RAB36: variants seen among roughly 807,000 people sequenced by gnomAD.
The protein encoded by RAB36 is ras-related protein Rab-36.
RAB36 carries 33 observed loss-of-function variants against 39.3 expected under a neutral mutation model. The ratio of observed to expected loss-of-function variants is 0.84; its 90% confidence interval spans 0.64 to 1.12. The LOEUF (loss-of-function observed/expected upper bound fraction) is 1.12. Ranked by LOEUF, RAB36 falls within the 50% of genes most tolerant of loss-of-function variation. The pLI, the probability that RAB36 is intolerant of heterozygous loss-of-function variation, is 0.00. For missense variants in RAB36, 308 were observed against 355.3 expected (o/e 0.87, Z 1.07); for synonymous variants, 133 against 140.2 (o/e 0.95, Z 0.36).
intron 4 of RAB36, 77 bp downstream of exon 4, chr22:23,152,603 A>C: frequency 7.3e-7 from 1 of 1,370,020 alleles, no homozygotes; most frequent in South Asian, 1.2e-5. Flanking sequence ...TGGCCCAGAT[A>C]ATATCAACAT....
At position 23,153,022 on chromosome 22, in the gene RAB36, AT is replaced by A; in HGVS notation, c.228-10del. 6.2e-7 allele frequency: 1 copy of A among 1,607,226 alleles called. No homozygotes were observed. The highest frequency in any genetic ancestry group is 8.5e-7 in the Non-Finnish European group (1 of 1,173,838). ...AGTACACCCCTGTGACGACTTCCTC[AT>A]CCCCCACAGGTTTTGCAAGAATGTT... is the stretch of plus-strand genomic sequence containing the variant. On this transcript the variant is annotated splice_polypyrimidine_tract_variant and intron_variant, in intron 4 of 10. Coordinates refer to ENST00000263116, the MANE Select transcript of RAB36 (RefSeq NM_004914.5).
chr22:23,146,788 G>A (rs2070803591), intron 2 of RAB36, 103 bp downstream of exon 2: 2 of 1,484,192 alleles, frequency 1.3e-6, no homozygotes, highest in Non-Finnish European at 1.8e-6. Flanking sequence ...AATCAAGGAG[G>A]TCTGTCCATT....
chr22:23,161,623 A>G lies in RAB36; in HGVS notation c.*59A>G. ...ACACACACGGACAGGAATTTCCGTGACTGTGGTGTGGAGACTGGAGCCCAA... is the reference window on the plus strand; with the variant it reads ...ACACACACGGACAGGAATTTCCGTGGCTGTGGTGTGGAGACTGGAGCCCAA... On this transcript the variant is annotated 3_prime_UTR_variant, in exon 11 of 11. Coordinates refer to ENST00000263116, the MANE Select transcript of RAB36 (RefSeq NM_004914.5). 2 of 1,439,928 alleles carry G rather than the reference A, an allele frequency of 1.4e-6. No homozygotes were observed. Among genetic ancestry groups the G allele is most frequent in the South Asian group, 1.2e-5 (1 of 82,468 alleles). The allele number at this position is 1,439,928 out of a possible 1,614,324, so 89.2% of individuals were successfully genotyped here. A position where few individuals can be genotyped will look rare whatever the true frequency, so the allele number is the denominator to read the frequency against.
At position 23,146,755 on chromosome 22, in the gene RAB36, C is replaced by T. The variant is rs529073532; in HGVS notation, c.69+70C>T. ...ACATCAGCTCTCCCCACTCTACACT[C>T]ATGCCTAGAAGTAAAGCAGGTGAAT... On this transcript the variant is annotated intron_variant, in intron 2 of 10. Coordinates refer to ENST00000263116, the MANE Select transcript of RAB36 (RefSeq NM_004914.5). 9.0e-4 allele frequency: 1,411 copies of T among 1,574,462 alleles called. 6 individuals are homozygous for T. Among genetic ancestry groups the T allele is most frequent in the South Asian group, 3.1e-3 (273 of 87,846 alleles).
At chr22:23,160,665 G>T (rs1244444791) in intron 9 of RAB36, among the ~76,000 whole-genome samples, 1 of 152,166 alleles carries the variant, frequency 6.6e-6, no homozygotes, top group Non-Finnish European at 1.5e-5. Context: ...CTGGAGCCAG[G>T]TGGGAGGCCA....
intron 5 of RAB36, among the ~76,000 whole-genome samples, chr22:23,153,985 G>A (rs953353903): frequency 2.0e-5 from 3 of 151,954 alleles, no homozygotes; most frequent in East Asian, 1.9e-4. Context: ...CACCGTACCC[G>A]GCCCACTTCT....
In RAB36 at chr22:23,157,982, G is replaced by A. The variant is rs747163433; in HGVS notation, c.395-10G>A. 8 of 1,614,048 alleles carry A rather than the reference G, an allele frequency of 5.0e-6. No homozygotes were observed. Among genetic ancestry groups the A allele is most frequent in the East Asian group, 4.5e-5 (2 of 44,900 alleles). On this transcript the variant is annotated splice_polypyrimidine_tract_variant and intron_variant, in intron 6 of 10. Transcript: ENST00000263116. ...CACTGATTGGCTGTTGGCTTTTTCC[G>A]GGTGTCTAGTGATCATCACGGCCTT... is the stretch of plus-strand genomic sequence containing the variant.
chr22:23,149,349 A>AT (rs1049785282), intron 2 of RAB36, among the ~76,000 whole-genome samples: 7 of 151,734 alleles, frequency 4.6e-5, no homozygotes, highest in East Asian at 1.9e-4. Context: ...GTTTAATCTC[A>AT]TTTTTTTCTA....
downstream of RAB36, among the ~76,000 whole-genome samples, chr22:23,166,301 G>A (rs2072050673): frequency 6.7e-6 from 1 of 149,500 alleles, no homozygotes; most frequent in Admixed American, 6.7e-5. Flanking sequence ...GAGTCAGTGT[G>A]GGAGGGGATT....
rs1236020992 is a variant in RAB36 at position 23,162,584 on chromosome 22, G to C, written c.*1020G>C. On this transcript the variant is annotated 3_prime_UTR_variant, in exon 11 of 11. Transcript: ENST00000263116. ...GCCTCCTGCACATGCAGAGCAGACA[G>C]AAATACCCCACACATTCCCCAGCCT... The C allele has an allele frequency of 2.4e-5, 11 of 453,258 alleles. No individual in the cohort carries two copies. The highest frequency in any genetic ancestry group is 4.9e-5 in the Non-Finnish European group (11 of 224,700). The allele number at this position is 453,258 out of a possible 1,614,324, so 28.1% of individuals were successfully genotyped here.
chr22:23,145,700 A>G (rs2070727360), intron 1 of RAB36, 149 bp downstream of exon 1: 6 of 1,032,738 alleles, frequency 5.8e-6, no homozygotes, highest in South Asian at 1.7e-5. Context: ...GGGCGTCCTC[A>G]TTTCCGGAGC....
At chr22:23,158,452 A>G (rs966038532) in intron 7 of RAB36, among the ~76,000 whole-genome samples, 1 of 152,160 alleles carries the variant, frequency 6.6e-6, no homozygotes, top group Non-Finnish European at 1.5e-5. Flanking sequence ...TTGAGAAGAG[A>G]GAATTGGCAA....
rs1253941519 is a variant in RAB36 at position 23,162,752 on chromosome 22, C to T, written c.*1188C>T. The T allele has an allele frequency of 8.8e-6, 4 of 456,166 alleles. No individual in the cohort carries two copies. The highest frequency in any genetic ancestry group is 4.0e-5 in the African/African-American group (2 of 50,064). 28.3% of individuals were successfully genotyped at this position (456,166 alleles called of 1,614,324 possible). ...CCGTAGATGGCGAGCACCTTGCAGG[C>T]AGCCTTCTGATCAGTACTGCTCTCC... On this transcript the variant is annotated 3_prime_UTR_variant, in exon 11 of 11. Coordinates refer to ENST00000263116, the MANE Select transcript of RAB36 (RefSeq NM_004914.5).
Position 23,150,082 on chromosome 22 carries a change from GT to G in RAB36, c.92del (p.Leu31CysfsTer102), listed in dbSNP as rs1328428311. 2 of 1,611,394 alleles carry G rather than the reference GT, an allele frequency of 1.2e-6. No homozygotes were observed. Among genetic ancestry groups the G allele is most frequent in the African/African-American group, 2.7e-5 (2 of 74,902 alleles). On this transcript the variant is annotated frameshift_variant, in exon 3 of 11. Coordinates refer to ENST00000263116, the MANE Select transcript of RAB36 (RefSeq NM_004914.5). LOFTEE classifies it high-confidence loss of function. ...SFPKWYTPEA[C>X]LQLREHFHGQ... ...TTGCAGTGGTACACGCCGGAAGCCT[GT>G]TTGCAGCTCAGGGAGCACTTCCACG...
chr22:23,155,648 T>C (rs978343642), intron 5 of RAB36, among the ~76,000 whole-genome samples: 1 of 152,200 alleles, frequency 6.6e-6, no homozygotes, highest in Non-Finnish European at 1.5e-5. Flanking sequence ...GAGCGAGTCA[T>C]GTCTTGGGCC....
chr22:23,145,411 A>T, upstream of RAB36: 1 of 1,610,202 alleles, frequency 6.2e-7, no homozygotes, highest in Non-Finnish European at 8.5e-7. Flanking sequence ...CGCCGCTGCC[A>T]GTCCAACGCA....
Position 23,164,038 on chromosome 22 carries a change from G to A in RAB36, c.*2474G>A, listed in dbSNP as rs2071966520. The A allele has an allele frequency of 6.6e-6, 1 of 152,262 alleles. No individual in the cohort carries two copies. Among genetic ancestry groups the A allele is most frequent in the Non-Finnish European group, 1.5e-5 (1 of 68,056 alleles). 9.4% of individuals were successfully genotyped at this position (152,262 alleles called of 1,614,324 possible). A position where few individuals can be genotyped will look rare whatever the true frequency, so the allele number is the denominator to read the frequency against. On this transcript the variant is annotated 3_prime_UTR_variant, in exon 11 of 11. Coordinates refer to ENST00000263116, the MANE Select transcript of RAB36 (RefSeq NM_004914.5). ...TGTAGTTATAGCTTTGCGTACTCAGGAAGGCCCTTCTCCCGACTGCGGCCC... is the reference window on the plus strand; with the variant it reads ...TGTAGTTATAGCTTTGCGTACTCAGAAAGGCCCTTCTCCCGACTGCGGCCC...
rs773643508 is a variant in RAB36, at chr22:23,162,012, T to A, written c.*448T>A. On this transcript the variant is annotated 3_prime_UTR_variant, in exon 11 of 11. Coordinates refer to ENST00000263116, the MANE Select transcript of RAB36 (RefSeq NM_004914.5). ...ATCCGTCACAGTGTTCCAGGCAACCTGGACTTGTCAAAGTCAGCACCTGAA... is the reference window on the plus strand; with the variant it reads ...ATCCGTCACAGTGTTCCAGGCAACCAGGACTTGTCAAAGTCAGCACCTGAA... 3.5e-5 allele frequency: 6 copies of A among 171,874 alleles called. No homozygotes were observed. Among genetic ancestry groups the A allele is most frequent in the Non-Finnish European group, 7.5e-5 (6 of 80,170 alleles). 10.6% of individuals were successfully genotyped at this position (171,874 alleles called of 1,614,324 possible). A position where few individuals can be genotyped will look rare whatever the true frequency, so the allele number is the denominator to read the frequency against.
intron 3 of RAB36, among the ~76,000 whole-genome samples, chr22:23,151,726 A>G (rs915854373): frequency 6.6e-6 from 1 of 152,218 alleles, no homozygotes; most frequent in Non-Finnish European, 1.5e-5. Flanking sequence ...CTCTAAAAAA[A>G]TAATAAACAG....
Sources: gnomAD v4.1 joint callset for allele counts (sites outside exome capture counted in the v4.1 genomes callset) on GRCh38, gnomAD v4.1.1 for gene constraint, MANE v1.5 for transcripts, NCBI Gene and HGNC (gene_info 2026-07-23, HGNC 2026-07-21) for gene names.